Variants in RABGAP1L observed in about 807,000 individuals in gnomAD.
RABGAP1L encodes the protein rab GTPase-activating protein 1-like.
A neutral mutation model predicts 137.7 loss-of-function variants in RABGAP1L; 63 were observed. That is an observed-to-expected ratio of 0.46 (90% CI 0.37 to 0.56). RABGAP1L has a LOEUF of 0.56. RABGAP1L is among the 20% of genes least tolerant of loss of function. The pLI is 0.00. For missense variants in RABGAP1L, 1,095 were observed against 1,244.0 expected (o/e 0.88, Z 1.80); for synonymous variants, 431 against 433.7 (o/e 0.99, Z 0.08).
chr1:174,179,129 C>CA (rs1357729088), intron 1 of RABGAP1L, among the ~76,000 whole-genome samples: 1 of 152,010 alleles, frequency 6.6e-6, no homozygotes, highest in Non-Finnish European at 1.5e-5. Context: ...AGGCTGTACT[C>CA]AAACTCCTGG....
At chr1:174,612,701 T>G (rs1671381967) in intron 13 of RABGAP1L, among the ~76,000 whole-genome samples, 1 of 152,248 alleles carries the variant, frequency 6.6e-6, no homozygotes, top group East Asian at 1.9e-4. Flanking sequence ...TCTTTTTGAT[T>G]GGTAAGCTAT....
intron 17 of RABGAP1L, among the ~76,000 whole-genome samples, chr1:174,725,818 G>T (rs1681933038): frequency 6.6e-6 from 1 of 152,034 alleles, no homozygotes; most frequent in Non-Finnish European, 1.5e-5. Context: ...TTAAAGAAAA[G>T]AATTGCAATG....
At chr1:174,616,985 A>G (rs1254692626) in intron 13 of RABGAP1L, among the ~76,000 whole-genome samples, 5 of 152,210 alleles carry the variant, frequency 3.3e-5, no homozygotes, top group African/African-American at 9.6e-5. Flanking sequence ...AGGAATGGAT[A>G]AGATTTCCCT....
chr1:174,850,641 C>G (rs1167654206), intron 19 of RABGAP1L, among the ~76,000 whole-genome samples: 3 of 152,156 alleles, frequency 2.0e-5, no homozygotes, highest in African/African-American at 7.2e-5. Context: ...TACCTCCCTT[C>G]CCCAAAGATG....
intron 13 of RABGAP1L, among the ~76,000 whole-genome samples, chr1:174,606,765 C>T (rs1670824723): frequency 1.3e-5 from 2 of 152,150 alleles, no homozygotes; most frequent in South Asian, 4.1e-4. Context: ...TCAAAGTCCT[C>T]ATTTTCCTCT....
intron 13 of RABGAP1L, among the ~76,000 whole-genome samples, chr1:174,603,961 C>T (rs1457084484): frequency 1.3e-5 from 2 of 151,686 alleles, no homozygotes; most frequent in Non-Finnish European, 2.9e-5. Context: ...CTCCTCTCCT[C>T]AAGCAGAAGG....
At chr1:174,665,201 G>T (rs1344021860) in intron 14 of RABGAP1L, among the ~76,000 whole-genome samples, 1 of 152,098 alleles carries the variant, frequency 6.6e-6, no homozygotes, top group African/African-American at 2.4e-5. Flanking sequence ...GTGGCTAAGT[G>T]CCTGGGCTCT....
intron 14 of RABGAP1L, among the ~76,000 whole-genome samples, chr1:174,645,308 T>C (rs1339521953): frequency 2.6e-5 from 4 of 152,124 alleles, no homozygotes; most frequent in Non-Finnish European, 5.9e-5. Flanking sequence ...TTCATAGGTA[T>C]AGATGTGCCA....
At position 174,386,869 on chromosome 1, in the gene RABGAP1L, G is replaced by A. The variant is rs145748746; in HGVS notation, c.1560-7126G>A. Among the ~76,000 whole-genome samples, 440 of 152,186 alleles carry A rather than the reference G, an allele frequency of 2.9e-3. 2 individuals are homozygous for A. Among genetic ancestry groups the A allele is most frequent in the Non-Finnish European group, 5.0e-3 (337 of 68,006 alleles). ...AGTAAGTGAATAAACTAGGAAAATC[G>A]ATAACCCTGGCCCAGGCAGTACTTG... is the stretch of plus-strand genomic sequence containing the variant. On this transcript the variant is annotated intron_variant, in intron 12 of 25. Coordinates refer to ENST00000681986, the MANE Select transcript of RABGAP1L (RefSeq NM_001366446.1).
chr1:174,910,987 A>G (rs549812785), intron 19 of RABGAP1L, among the ~76,000 whole-genome samples: 1 of 152,136 alleles, frequency 6.6e-6, no homozygotes, highest in Non-Finnish European at 1.5e-5. Flanking sequence ...GATTCTAGCC[A>G]TCCTAGTTTG....
chr1:174,222,367 CA>C (rs1669823707), intron 3 of RABGAP1L, among the ~76,000 whole-genome samples: 1 of 152,108 alleles, frequency 6.6e-6, no homozygotes. Flanking sequence ...TAGGTATAGC[CA>C]AACTGTTACA....
intron 10 of RABGAP1L, among the ~76,000 whole-genome samples, chr1:174,301,740 T>C (rs1341940409): frequency 1.3e-5 from 2 of 151,582 alleles, no homozygotes; most frequent in Non-Finnish European, 2.9e-5. Flanking sequence ...GATTGGGGAG[T>C]GTATGCTGAT....
Position 174,331,337 on chromosome 1 carries a change from C to G in RABGAP1L, c.1465+26210C>G, listed in dbSNP as rs143683634. Among the ~76,000 whole-genome samples the G allele has an allele frequency of 4.0e-3, 609 of 152,228 alleles. 6 individuals carry two copies. Among genetic ancestry groups the G allele is most frequent in the African/African-American group, 0.012 (494 of 41,552 alleles). ...GCAACAAAAGCAAACATAAATGGAT[C>G]TACATCACACTAAAAAGCTCCTGCA... On this transcript the variant is annotated intron_variant, in intron 11 of 25. Transcript: ENST00000681986.
At chr1:174,608,304 A>T (rs578176933) in intron 13 of RABGAP1L, among the ~76,000 whole-genome samples, 3 of 152,298 alleles carry the variant, frequency 2.0e-5, no homozygotes, top group African/African-American at 7.2e-5. Context: ...ATATTTGTTC[A>T]GCCCCTACTA....
At chr1:174,720,673 T>A (rs1185304457) in intron 17 of RABGAP1L, among the ~76,000 whole-genome samples, 3 of 151,938 alleles carry the variant, frequency 2.0e-5, no homozygotes. Flanking sequence ...CACACCCCTC[T>A]CTCCATATAA....
chr1:174,988,352 G>A (rs1442130957), intron 24 of RABGAP1L, among the ~76,000 whole-genome samples: 1 of 152,142 alleles, frequency 6.6e-6, no homozygotes, highest in East Asian at 1.9e-4. Context: ...TTGGCATCTA[G>A]TAAGAATAAT....
intron 19 of RABGAP1L, among the ~76,000 whole-genome samples, chr1:174,853,300 T>C (rs1648705374): frequency 2.0e-5 from 3 of 152,072 alleles, no homozygotes; most frequent in Non-Finnish European, 4.4e-5. Context: ...ATACTGAGCT[T>C]TATTTTCTGT....
At chr1:174,870,364 A>G (rs1651982754) in intron 19 of RABGAP1L, among the ~76,000 whole-genome samples, 1 of 152,198 alleles carries the variant, frequency 6.6e-6, no homozygotes, top group Non-Finnish European at 1.5e-5. Context: ...TTACAGTCCT[A>G]TATCACTAAT....
chr1:174,432,315 G>A (rs1438101067), intron 13 of RABGAP1L, among the ~76,000 whole-genome samples: 3 of 152,074 alleles, frequency 2.0e-5, no homozygotes, highest in Admixed American at 6.5e-5. Context: ...GTGTAGTATC[G>A]CATGTTGTCT....
Sources: allele counts gnomAD v4.1 joint callset (sites outside exome capture counted in the v4.1 genomes callset), GRCh38; gene constraint gnomAD v4.1.1; transcripts MANE v1.5; gene names NCBI Gene and HGNC (gene_info 2026-07-23, HGNC 2026-07-21).